MCC: variants seen among roughly 807,000 people sequenced by gnomAD.
MCC encodes colorectal mutant cancer protein.
A neutral mutation model predicts 116.2 loss-of-function variants in MCC; 90 were observed. The ratio of observed to expected loss-of-function variants is 0.77; its 90% CI spans 0.65 to 0.92. MCC has a LOEUF of 0.92. Ranked by LOEUF, MCC falls within the 40% of genes least tolerant of loss-of-function variation. MCC has a pLI of 0.00. For missense variants in MCC, 1,516 were observed against 1,312.2 expected (o/e 1.16, Z -2.40); for synonymous variants, 578 against 510.5 (o/e 1.13, Z -1.78).
At chr5:113,423,022 C>A (rs188757479) in intron 1 of MCC, among the ~76,000 whole-genome samples, 8 of 152,300 alleles carry the variant, frequency 5.3e-5, no homozygotes, top group Non-Finnish European at 1.2e-4. Context: ...GTGTTTTCCA[C>A]AATTATTTGT....
intron 3 of MCC, among the ~76,000 whole-genome samples, chr5:113,333,307 T>C (rs1449000175): frequency 6.6e-6 from 1 of 151,712 alleles, no homozygotes; most frequent in East Asian, 1.9e-4. Flanking sequence ...ATATTAATAA[T>C]TTTGATCATA....
chr5:113,472,647 A>G (rs1198708138), intron 1 of MCC, among the ~76,000 whole-genome samples: 1 of 152,244 alleles, frequency 6.6e-6, no homozygotes, highest in African/African-American at 2.4e-5. Context: ...TAAAGTAACT[A>G]TTGATTGTGA....
chr5:113,203,665 G>A (rs573970651), intron 3 of MCC, among the ~76,000 whole-genome samples: 13 of 152,144 alleles, frequency 8.5e-5, no homozygotes, highest in Admixed American at 5.9e-4. Flanking sequence ...TCAACCAGGC[G>A]CCGTGCAAGC....
At chr5:113,366,599 T>C (rs1248280072) in intron 2 of MCC, among the ~76,000 whole-genome samples, 1 of 152,158 alleles carries the variant, frequency 6.6e-6, no homozygotes, top group African/African-American at 2.4e-5. Context: ...GAGAAGACGC[T>C]GAAATTTGTC....
intron 3 of MCC, among the ~76,000 whole-genome samples, chr5:113,207,999 T>C (rs1762980872): frequency 1.3e-5 from 2 of 152,058 alleles, no homozygotes; most frequent in South Asian, 4.2e-4. Context: ...AAATGCTTAC[T>C]CATATGCAAT....
chr5:113,164,982 T>C (rs1181301156), intron 3 of MCC, among the ~76,000 whole-genome samples: 1 of 152,216 alleles, frequency 6.6e-6, no homozygotes, highest in Non-Finnish European at 1.5e-5. Flanking sequence ...AAAAAGGCGC[T>C]GTTCTACCCA....
At chr5:113,280,338 C>T (rs1394199712) in intron 3 of MCC, among the ~76,000 whole-genome samples, 2 of 152,162 alleles carry the variant, frequency 1.3e-5, no homozygotes, top group Non-Finnish European at 2.9e-5. Flanking sequence ...TTCTATCTAT[C>T]TCCTAGTATT....
intron 1 of MCC, among the ~76,000 whole-genome samples, chr5:113,453,751 G>T (rs1307812559): frequency 1.3e-5 from 2 of 152,130 alleles, no homozygotes; most frequent in East Asian, 3.8e-4. Context: ...AATCCTGTTT[G>T]GTATTTAGTC....
chr5:113,277,622 T>A (rs571968591), intron 3 of MCC, among the ~76,000 whole-genome samples: 6 of 152,226 alleles, frequency 3.9e-5, no homozygotes, highest in Admixed American at 1.3e-4. Flanking sequence ...TTAGTTATAA[T>A]GGCAGATTCT....
At chr5:113,452,283 G>A (rs889823208) in intron 1 of MCC, among the ~76,000 whole-genome samples, 5 of 152,188 alleles carry the variant, frequency 3.3e-5, no homozygotes, top group African/African-American at 9.7e-5. Flanking sequence ...ATATAGGAAT[G>A]GGAAGAATTG....
chr5:113,390,963 A>T (rs1330628525), intron 1 of MCC, among the ~76,000 whole-genome samples: 1 of 151,964 alleles, frequency 6.6e-6, no homozygotes, highest in Non-Finnish European at 1.5e-5. Flanking sequence ...CAGTTCTACA[A>T]ATATTGAAAG....
chr5:113,212,370 G>C (rs1229221490), intron 3 of MCC, among the ~76,000 whole-genome samples: 1 of 152,102 alleles, frequency 6.6e-6, no homozygotes, highest in Non-Finnish European at 1.5e-5. Context: ...GCCACCGCCA[G>C]ACAAAGCTCC....
At chr5:113,231,428 A>T (rs1474349901) in intron 3 of MCC, among the ~76,000 whole-genome samples, 2 of 152,150 alleles carry the variant, frequency 1.3e-5, no homozygotes, top group Admixed American at 1.3e-4. Flanking sequence ...AGTTTTGTAA[A>T]TTAGATATTC....
intron 15 of MCC, among the ~76,000 whole-genome samples, chr5:113,051,309 T>C (rs1171616501): frequency 6.6e-6 from 1 of 151,930 alleles, no homozygotes; most frequent in Non-Finnish European, 1.5e-5. Context: ...AATGAGCGGA[T>C]GCAAAAAGTA....
intron 6 of MCC, among the ~76,000 whole-genome samples, chr5:113,119,324 A>G (rs1006749933): frequency 6.6e-6 from 1 of 152,186 alleles, no homozygotes; most frequent in Non-Finnish European, 1.5e-5. Context: ...GGGAAAGGGA[A>G]GCAAGTGGCT....
chr5:113,140,657 A>G (rs1397601955), intron 5 of MCC, among the ~76,000 whole-genome samples: 1 of 152,166 alleles, frequency 6.6e-6, no homozygotes, highest in Non-Finnish European at 1.5e-5. Flanking sequence ...GGATAGCTTA[A>G]GTGTGGATAT....
chr5:113,086,994 C>T (rs147487936), intron 8 of MCC, among the ~76,000 whole-genome samples: 38 of 152,290 alleles, frequency 2.5e-4, no homozygotes, highest in African/African-American at 8.7e-4. Flanking sequence ...TTGAATAGCA[C>T]TCACCTAAGG....
At chr5:113,237,594 A>T (rs955318774) in intron 3 of MCC, among the ~76,000 whole-genome samples, 1 of 152,226 alleles carries the variant, frequency 6.6e-6, no homozygotes, top group African/African-American at 2.4e-5. Flanking sequence ...TCACCAAGGC[A>T]CTGGGAGGAA....
At chr5:113,441,855 G>A (rs963723855) in intron 1 of MCC, among the ~76,000 whole-genome samples, 1 of 152,144 alleles carries the variant, frequency 6.6e-6, no homozygotes, top group African/African-American at 2.4e-5. Context: ...AGGCTGTGTA[G>A]CATTCCATGG....
Sources: allele counts gnomAD v4.1 joint callset (sites outside exome capture counted in the v4.1 genomes callset), GRCh38; gene constraint gnomAD v4.1.1; transcripts MANE v1.5; gene names NCBI Gene and HGNC (gene_info 2026-07-23, HGNC 2026-07-21).